Variants in LEF1 observed in about 807,000 individuals in gnomAD.
The protein encoded by LEF1 is lymphoid enhancer binding factor 1, also known as lymphoid enhancer-binding factor 1.
A neutral mutation model predicts 51.2 loss-of-function variants in LEF1; 14 were observed. The observed-to-expected ratio is 0.27, with a 90% CI of 0.18 to 0.43. The LOEUF (loss-of-function observed/expected upper bound fraction) is 0.43, where lower values mean the gene tolerates loss of function less well. Among genes scored for constraint, LEF1 ranks in the 20% least tolerant of loss-of-function variants. LEF1 has a pLI of 1.00. For synonymous variants in LEF1, 185 were observed against 183.2 expected, an observed-to-expected ratio of 1.01 and a Z score of -0.08; for missense variants, 386 against 512.0, an observed-to-expected ratio of 0.75 and a Z score of 2.37.
At chr4:108,056,665 G>A (rs1000980709) in intron 11 of LEF1, among the ~76,000 whole-genome samples, 1 of 152,156 alleles carries the variant, frequency 6.6e-6, no homozygotes, top group Non-Finnish European at 1.5e-5. Context: ...AGGTGTCACA[G>A]GGATTTCTGA....
At position 108,167,321 on chromosome 4, in the gene LEF1, TAA is replaced by T. The variant is rs1279920648; in HGVS notation, c.213+232_213+233del. ...ACCCCCTAAACTGATCCATTTGGAA[TAA>T]GTTACCCTGCCCCTCTACCTCCCAT... On this transcript the variant is annotated intron_variant, in intron 1 of 11. Coordinates refer to ENST00000265165, the MANE Select transcript of LEF1 (RefSeq NM_016269.5). This position sits in a 1 kb window ranked among gnomAD's most constrained non-coding sequence, Gnocchi z 5.7. Among the ~76,000 whole-genome samples, 2 of 149,514 alleles carry T rather than the reference TAA, an allele frequency of 1.3e-5. No homozygotes were observed. The highest frequency in any genetic ancestry group is 3.0e-5 in the Non-Finnish European group (2 of 67,656).
intron 3 of LEF1, among the ~76,000 whole-genome samples, chr4:108,154,009 G>A (rs1414780254): frequency 3.3e-5 from 5 of 152,162 alleles, no homozygotes; most frequent in African/African-American, 7.2e-5. Context: ...AAAAGTGATC[G>A]TCTTTAACAA....
At chr4:108,144,865 CAAAAAAAA>C (rs11394687) in intron 3 of LEF1, among the ~76,000 whole-genome samples, 459 of 41,966 alleles carry the variant, frequency 0.011, 4 homozygotes, top group Middle Eastern at 0.1. Context: ...CCCAACCAGC[CAAAAAAAA>C]AAAAAAAAAA....
At chr4:108,073,030 C>T (rs1738593282) in intron 8 of LEF1, 1 of 152,236 alleles carries the variant, frequency 6.6e-6, no homozygotes, top group African/African-American at 2.4e-5. Context: ...CACCGCAGCA[C>T]TGAGCTAGGA....
intron 3 of LEF1, among the ~76,000 whole-genome samples, chr4:108,116,684 A>G (rs1231675317): frequency 6.6e-6 from 1 of 152,192 alleles, no homozygotes; most frequent in Non-Finnish European, 1.5e-5. Context: ...AAAGTGGAAC[A>G]GTATGTGGTG....
chr4:108,094,468 C>G lies in LEF1; in HGVS notation c.415-5211G>C, dbSNP rs118014816. 7.5e-4 allele frequency among the ~76,000 whole-genome samples: 114 copies of G among 152,306 alleles called. 2 individuals are homozygous for G. In the East Asian group the frequency reaches 0.019, roughly 25 times the overall value. On this transcript the variant is annotated intron_variant, in intron 3 of 11. Coordinates refer to ENST00000265165, the MANE Select transcript of LEF1 (RefSeq NM_016269.5). ...CCCAAAGCAGCATTCCCAGAAATGA[C>G]CCACTCACCACTGGCAGGAATTGAA... is the stretch of plus-strand genomic sequence containing the variant.
chr4:108,088,085 T>C (rs1021427023), intron 4 of LEF1, among the ~76,000 whole-genome samples: 3 of 152,230 alleles, frequency 2.0e-5, no homozygotes, highest in African/African-American at 7.2e-5. Context: ...TCTAGTGCAC[T>C]AGTAACTAAG....
Position 108,099,615 on chromosome 4 carries a change from T to TATAA in LEF1, c.415-10362_415-10359dup, listed in dbSNP as rs758066183. 1.9e-3 allele frequency among the ~76,000 whole-genome samples: 226 copies of TATAA among 118,240 alleles called. 3 individuals are homozygous for TATAA. The highest frequency in any genetic ancestry group is 3.4e-3 in the Non-Finnish European group (195 of 58,002). The allele number at this position is 118,240 out of a possible 152,430, so 77.6% of individuals were successfully genotyped here. ...ATATATATATATATATATATATATATATAAATAATACTTGAAATTATGGGG... is the reference window on the plus strand; with the variant it reads ...ATATATATATATATATATATATATATATAAATAAATAATACTTGAAATTATGGGG... On this transcript the variant is annotated intron_variant, in intron 3 of 11. Coordinates refer to ENST00000265165, the MANE Select transcript of LEF1 (RefSeq NM_016269.5).
In LEF1 at chr4:108,048,387, G is replaced by A. The variant is rs959866944; in HGVS notation, c.*371C>T. 8 of 248,982 alleles carry A rather than the reference G, an allele frequency of 3.2e-5. No homozygotes were observed. The highest frequency in any genetic ancestry group is 4.6e-5 in the Non-Finnish European group (6 of 130,886). 15.4% of individuals were successfully genotyped at this position (248,982 alleles called of 1,614,324 possible). ...GCCAAGTTACCGTCCTTGCCGAAAG[G>A]TTACAGGTTTGGATGCAAGATGCTC... On this transcript the variant is annotated 3_prime_UTR_variant, in exon 12 of 12. Transcript: ENST00000265165.
chr4:108,154,562 AT>A (rs144714965), intron 3 of LEF1, among the ~76,000 whole-genome samples: 2,084 of 152,152 alleles, frequency 0.014, 41 homozygotes, highest in African/African-American at 0.048. Context: ...AGAAAAAAAA[AT>A]AATTCAAGCA....
At chr4:108,138,504 T>TACAC (rs1448890057) in intron 3 of LEF1, among the ~76,000 whole-genome samples, 4 of 91,474 alleles carry the variant, frequency 4.4e-5, no homozygotes, top group African/African-American at 1.5e-4. Context: ...TATGTGTGTG[T>TACAC]ATACACACAC....
At chr4:108,067,288 TCAACATGGA>T (rs1180299517) in intron 9 of LEF1, among the ~76,000 whole-genome samples, 1 of 152,136 alleles carries the variant, frequency 6.6e-6, no homozygotes, top group Non-Finnish European at 1.5e-5. Context: ...TTCCCACCCA[TCAACATGGA>T]GAAGAGAGAG....
At chr4:108,149,625 G>A (rs1744239602) in intron 3 of LEF1, among the ~76,000 whole-genome samples, 2 of 146,306 alleles carry the variant, frequency 1.4e-5, no homozygotes, top group Admixed American at 7.0e-5. Flanking sequence ...ATATACATGT[G>A]TATATATATG....
intron 1 of LEF1, among the ~76,000 whole-genome samples, chr4:108,166,009 C>A (rs1745365632): frequency 6.6e-6 from 1 of 152,154 alleles, no homozygotes; most frequent in South Asian, 2.1e-4. Context: ...TAAGGCAGGA[C>A]TAGCAAAATG....
At chr4:108,054,187 G>A (rs997853706) in intron 11 of LEF1, among the ~76,000 whole-genome samples, 3 of 152,112 alleles carry the variant, frequency 2.0e-5, no homozygotes, top group African/African-American at 7.2e-5. Context: ...TGGAAATCTC[G>A]GGCATGCACT....
At chr4:108,061,364 A>G (rs535725709) in intron 11 of LEF1, among the ~76,000 whole-genome samples, 40 of 152,346 alleles carry the variant, frequency 2.6e-4, no homozygotes, top group Middle Eastern at 3.4e-3. Flanking sequence ...GATACACTTT[A>G]GGACAAAAAT....
At chr4:108,093,985 AG>A (rs1175549478) in intron 3 of LEF1, among the ~76,000 whole-genome samples, 1 of 152,202 alleles carries the variant, frequency 6.6e-6, no homozygotes, top group Non-Finnish European at 1.5e-5. Flanking sequence ...TTTACAGATG[AG>A]GAAACAGGCA....
intron 3 of LEF1, among the ~76,000 whole-genome samples, chr4:108,144,975 G>A (rs1172240888): frequency 2.0e-5 from 3 of 149,228 alleles, no homozygotes; most frequent in African/African-American, 7.4e-5. Flanking sequence ...ACTTTCAGAA[G>A]TATCTTATCG....
intron 3 of LEF1, among the ~76,000 whole-genome samples, chr4:108,152,323 G>A (rs1028202042): frequency 1.3e-5 from 2 of 152,212 alleles, no homozygotes; most frequent in African/African-American, 4.8e-5. Flanking sequence ...TGAATCATAA[G>A]CTGCAAGGCA....
Sources: allele counts gnomAD v4.1 joint callset (sites outside exome capture counted in the v4.1 genomes callset), GRCh38; gene constraint gnomAD v4.1.1; non-coding constraint Gnocchi (gnomAD v3.1); transcripts MANE v1.5; gene names NCBI Gene and HGNC (gene_info 2026-07-23, HGNC 2026-07-21).